The following IFI27 variants were observed in gnomAD, a reference collection of about 807,000 sequenced individuals.
IFI27 encodes the protein interferon alpha-inducible protein 27, mitochondrial.
IFI27 carries 3 observed loss-of-function variants against 8.9 expected under a neutral mutation model. The ratio of observed to expected loss-of-function variants is 0.34; its 90% CI spans 0.15 to 0.87. The LOEUF (loss-of-function observed/expected upper bound fraction) is 0.87, where lower values mean the gene tolerates loss of function less well. Among genes scored for constraint, IFI27 ranks in the 40% least tolerant of loss-of-function variants. The pLI is 0.51. For missense variants in IFI27, 152 were observed against 157.7 expected, an observed-to-expected ratio of 0.96 and a Z score of 0.19; for synonymous variants, 66 against 67.3, an observed-to-expected ratio of 0.98 and a Z score of 0.09.
chr14:94,108,926 T>C (rs1335988919), upstream of IFI27, among the ~76,000 whole-genome samples: 2 of 152,218 alleles, frequency 1.3e-5, no homozygotes, highest in African/African-American at 2.4e-5. Flanking sequence ...GAGGCTGTTA[T>C]GCAAGTTGTT....
At chr14:94,114,545 C>A (rs1356224489) in intron 2 of IFI27, 7 of 432,766 alleles carry the variant, frequency 1.6e-5, no homozygotes, top group African/African-American at 3.9e-5. Context: ...TTGAGCTAAA[C>A]CTGCCTTGGG....
At chr14:94,107,275 C>G (rs189059657), upstream of IFI27, among the ~76,000 whole-genome samples, 1 of 152,078 alleles carries the variant, frequency 6.6e-6, no homozygotes, top group Non-Finnish European at 1.5e-5. Flanking sequence ...TTCACCATGT[C>G]GGTCAGGCTG....
chr14:94,108,966 A>G (rs900292722), upstream of IFI27, among the ~76,000 whole-genome samples: 2 of 152,286 alleles, frequency 1.3e-5, no homozygotes, highest in Non-Finnish European at 1.5e-5. Context: ...AATTTGTTTT[A>G]TGAAAGTTAT....
chr14:94,106,284 C>G (rs751172629), upstream of IFI27, among the ~76,000 whole-genome samples: 1 of 152,188 alleles, frequency 6.6e-6, no homozygotes, highest in African/African-American at 2.4e-5. Context: ...TTGGCGGGGC[C>G]GTGGCATTCA....
At chr14:94,112,850 C>T (rs1215753955) in intron 2 of IFI27, 1 of 152,294 alleles carries the variant, frequency 6.6e-6, no homozygotes, top group Non-Finnish European at 1.5e-5. Context: ...CTCTGGGCTC[C>T]CAACTCAGTA....
chr14:94,108,651 C>G (rs1874908435), upstream of IFI27, among the ~76,000 whole-genome samples: 1 of 152,002 alleles, frequency 6.6e-6, no homozygotes. Context: ...GAGAGAAAGC[C>G]AGAGTGGACA....
In IFI27 at chr14:94,116,399, C is replaced by T. The variant is rs368273347; in HGVS notation, c.284-43C>T. The T allele has an allele frequency of 9.1e-6, 13 of 1,425,832 alleles. No individual in the cohort carries two copies. The highest frequency in any genetic ancestry group is 4.8e-5 in the South Asian group (4 of 83,946). 88.3% of individuals were successfully genotyped at this position (1,425,832 alleles called of 1,614,324 possible). A position where few individuals can be genotyped will look rare whatever the true frequency, so the allele number is the denominator to read the frequency against. ...CACAGTCCTGCCCACAGAGCTTCCC[C>T]GACAGGCATGTCCCACTCTGTCCAC... On this transcript the variant is annotated intron_variant, in intron 4 of 4. Coordinates refer to ENST00000621160, the Ensembl canonical transcript of IFI27. This position sits in a 1 kb window ranked among gnomAD's most constrained non-coding sequence, Gnocchi z 4.3.
chr14:94,115,265 T>A, intron 3 of IFI27: 1 of 553,598 alleles, frequency 1.8e-6, no homozygotes. Context: ...ACAATAGAGA[T>A]TGAACACAGT....
At position 94,116,579 on chromosome 14, in the gene IFI27, C is replaced by T. The variant is rs1166973502; in HGVS notation, c.*52C>T. Reference sequence around the variant, plus strand: ...GAGAACCATGCCAGGGGAGAAGGCACCCAGCCATCCTGACCCAGCGAGGAG... The same window carrying T: ...GAGAACCATGCCAGGGGAGAAGGCATCCAGCCATCCTGACCCAGCGAGGAG... On this transcript the variant is annotated 3_prime_UTR_variant, in exon 5 of 5. Coordinates refer to ENST00000621160, the Ensembl canonical transcript of IFI27. The surrounding 1 kb of genome is among the most constrained non-coding windows in gnomAD (Gnocchi z 4.3). 5 of 1,422,988 alleles carry T rather than the reference C, an allele frequency of 3.5e-6. No homozygotes were observed. Among genetic ancestry groups the T allele is most frequent in the African/African-American group, 1.4e-5 (1 of 71,264 alleles). The allele number at this position is 1,422,988 out of a possible 1,614,324, so 88.1% of individuals were successfully genotyped here.
rs1887171037 is a variant in IFI27 at position 94,111,249 on chromosome 14, C to G, written c.-58-376C>G. Among the ~76,000 whole-genome samples, 1 of 152,266 alleles carries G rather than the reference C, an allele frequency of 6.6e-6. No homozygotes were observed. The highest frequency in any genetic ancestry group is 2.4e-5 in the African/African-American group (1 of 41,552). ...TGAGGAGATTACATAAGAGCAGGCA[C>G]CTCGCCTGCTGTATATGCCTTAAAA... is the stretch of plus-strand genomic sequence containing the variant. On this transcript the variant is annotated intron_variant, in intron 1 of 4. Coordinates refer to ENST00000621160, the Ensembl canonical transcript of IFI27. The surrounding 1 kb of genome is among the most constrained non-coding windows in gnomAD (Gnocchi z 4.3).
rs1282963166 is a variant in IFI27, at chr14:94,111,940, GGGCCCGGGGCAGGCAGACTCT to G, written c.91+172_91+192del. On this transcript the variant is annotated intron_variant, in intron 2 of 4. Coordinates refer to ENST00000621160, the Ensembl canonical transcript of IFI27. The surrounding 1 kb of genome is among the most constrained non-coding windows in gnomAD (Gnocchi z 4.3). ...CCACCCTAACTTTCCATCTGGGAGG[GGGCCCGGGGCAGGCAGACTCT>G]GGCCAGATGCCCAGCCCTGGGTGTT... The G allele has an allele frequency of 3.0e-6, 2 of 659,876 alleles. No individual in the cohort carries two copies. The highest frequency in any genetic ancestry group is 5.5e-6 in the Non-Finnish European group (2 of 366,870). 40.9% of individuals were successfully genotyped at this position (659,876 alleles called of 1,614,324 possible).
rs1324390765 is a variant in IFI27, at chr14:94,111,348, G to C, written c.-58-277G>C. On this transcript the variant is annotated intron_variant, in intron 1 of 4. Transcript: ENST00000621160. This position sits in a 1 kb window ranked among gnomAD's most constrained non-coding sequence, Gnocchi z 4.3. ...GTGGAGAGATAAGGGAGTCCCGGAA[G>C]TGTCTAAGACATTGGCGCTGGGACT... 6.6e-6 allele frequency among the ~76,000 whole-genome samples: 1 copy of C among 152,200 alleles called. No individual in the cohort carries two copies. Among genetic ancestry groups the C allele is most frequent in the Non-Finnish European group, 1.5e-5 (1 of 68,052 alleles).
In IFI27 at chr14:94,111,351, T is replaced by C. The variant is rs934775453; in HGVS notation, c.-58-274T>C. Among the ~76,000 whole-genome samples the C allele has an allele frequency of 1.6e-4, 24 of 152,140 alleles. No individual in the cohort carries two copies. Among genetic ancestry groups the C allele is most frequent in the African/African-American group, 5.8e-4 (24 of 41,422 alleles). On this transcript the variant is annotated intron_variant, in intron 1 of 4. Transcript: ENST00000621160. The surrounding 1 kb of genome is among the most constrained non-coding windows in gnomAD (Gnocchi z 4.3). ...GAGAGATAAGGGAGTCCCGGAAGTG[T>C]CTAAGACATTGGCGCTGGGACTTTC...
At chr14:94,107,004 A>T (rs527256501), upstream of IFI27, among the ~76,000 whole-genome samples, 4 of 152,254 alleles carry the variant, frequency 2.6e-5, no homozygotes, top group South Asian at 8.3e-4. Flanking sequence ...AAACTATAGC[A>T]TATATCATCT....
exon 1 of IFI27, chr14:94,110,741 A>G (rs1887147105): frequency 6.6e-6 from 1 of 152,268 alleles, no homozygotes; most frequent in Non-Finnish European, 1.5e-5. Flanking sequence ...TTGGGAACAC[A>G]TCCAAGCTTA....
At chr14:94,109,489 G>T (rs1023658336), upstream of IFI27, among the ~76,000 whole-genome samples, 1 of 152,138 alleles carries the variant, frequency 6.6e-6, no homozygotes, top group Non-Finnish European at 1.5e-5. Context: ...AGTTCTGACC[G>T]CCAAGTGTCA....
At chr14:94,112,032 C>T (rs756994085) in intron 2 of IFI27, 24 of 575,224 alleles carry the variant, frequency 4.2e-5, no homozygotes, top group African/African-American at 1.9e-4. Context: ...CCTGCCTAGC[C>T]GGAAAGGGTC....
upstream of IFI27, among the ~76,000 whole-genome samples, chr14:94,110,194 C>T (rs1045314685): frequency 2.6e-5 from 4 of 152,192 alleles, no homozygotes; most frequent in African/African-American, 4.8e-5. Flanking sequence ...TTTGCTTTAG[C>T]GCTTCATCAA....
At position 94,111,243 on chromosome 14, in the gene IFI27, C is replaced by T. The variant is rs932868112; in HGVS notation, c.-58-382C>T. Reference sequence around the variant, plus strand: ...CGTTAGTGAGGAGATTACATAAGAGCAGGCACCTCGCCTGCTGTATATGCC... The same window carrying T: ...CGTTAGTGAGGAGATTACATAAGAGTAGGCACCTCGCCTGCTGTATATGCC... On this transcript the variant is annotated intron_variant, in intron 1 of 4. Transcript: ENST00000621160. This position sits in a 1 kb window ranked among gnomAD's most constrained non-coding sequence, Gnocchi z 4.3. Among the ~76,000 whole-genome samples the T allele has an allele frequency of 1.3e-5, 2 of 152,182 alleles. No homozygotes were observed. The highest frequency in any genetic ancestry group is 2.4e-5 in the African/African-American group (1 of 41,454).
Sources: gnomAD v4.1 joint callset for allele counts (sites outside exome capture counted in the v4.1 genomes callset) on GRCh38, gnomAD v4.1.1 for gene constraint, Gnocchi (gnomAD v3.1) non-coding constraint, MANE v1.5 for transcripts, NCBI Gene and HGNC (gene_info 2026-07-23, HGNC 2026-07-21) for gene names.